HSPG2: variants seen among roughly 807,000 people sequenced by gnomAD.
The protein encoded by HSPG2 is heparan sulfate proteoglycan 2.
Under a neutral mutation model 526.6 loss-of-function variants are expected in HSPG2, and 278 were observed. The observed-to-expected ratio is 0.53, with a 90% CI of 0.48 to 0.58. The LOEUF is 0.58. HSPG2 is among the 20% of genes least tolerant of loss of function. HSPG2 has a pLI of 0.00. For missense variants in HSPG2, 5,354 were observed against 6,099.5 expected (o/e 0.88, Z 4.07); for synonymous variants, 2,465 against 2,555.4 (o/e 0.96, Z 1.07).
intron 21 of HSPG2, 79 bp from the exon 22 acceptor site, chr1:21,876,731 C>CAGA: frequency 6.3e-7 from 1 of 1,587,358 alleles, no homozygotes; most frequent in Non-Finnish European, 8.6e-7. Flanking sequence ...ACCCTCAGTC[C>CAGA]AGATAAGAAC....
At chr1:21,846,011 G>A (rs897036939) in intron 64 of HSPG2, 97 bp downstream of exon 64, 63 of 1,429,710 alleles carry the variant, frequency 4.4e-5, no homozygotes, top group African/African-American at 4.2e-4. Flanking sequence ...AGTTCTCGCC[G>A]AGTGCCAGAA....
rs1466986466 is a variant in HSPG2, at chr1:21,828,850, G to T, written c.12222C>A (p.Arg4074=). The change falls in exon 88 of 97, where the codon CGC becomes CGA. Residue 4074 remains arginine, a synonymous_variant. Coordinates refer to ENST00000374695, the MANE Select transcript of HSPG2 (RefSeq NM_005529.7). This position sits in a 1 kb window ranked among gnomAD's most constrained non-coding sequence, Gnocchi z 6.0. The part of the protein sequence containing the change: ...SPATNMSAHF[R]GCVGEVSVNG... Reference sequence around the variant, plus strand: ...CTGCTCTTACCTCGCCCACACAGCCGCGGAAGTGAGCGCTCATGTTGGTGG... The same window carrying T: ...CTGCTCTTACCTCGCCCACACAGCCTCGGAAGTGAGCGCTCATGTTGGTGG... 1.9e-6 allele frequency: 3 copies of T among 1,550,802 alleles called. No homozygotes were observed. Among genetic ancestry groups the T allele is most frequent in the Admixed American group, 3.9e-5 (2 of 51,024 alleles).
At chr1:21,907,448 C>T (rs1247496414) in intron 1 of HSPG2, among the ~76,000 whole-genome samples, 1 of 152,172 alleles carries the variant, frequency 6.6e-6, no homozygotes, top group African/African-American at 2.4e-5. Flanking sequence ...TCCTCAGCAG[C>T]CTCAGGGCCA....
chr1:21,828,489 G>T lies in HSPG2; in HGVS notation c.12238-63C>A. The T allele has an allele frequency of 1.3e-6, 2 of 1,547,892 alleles. No individual in the cohort carries two copies. Among genetic ancestry groups the T allele is most frequent in the Non-Finnish European group, 8.9e-7 (1 of 1,129,268 alleles). On this transcript the variant is annotated intron_variant, in intron 88 of 96. Transcript: ENST00000374695. This position sits in a 1 kb window ranked among gnomAD's most constrained non-coding sequence, Gnocchi z 6.0. ...GGGAGGCAGAGACCCAGGTGTACCA[G>T]CAGGGAGAAGAATGCAGCAGAGGGG... is the stretch of plus-strand genomic sequence containing the variant.
intron 96 of HSPG2, 47 bp downstream of exon 96, chr1:21,823,568 AG>A (rs778048637): frequency 6.2e-7 from 1 of 1,609,768 alleles, no homozygotes; most frequent in East Asian, 2.2e-5. Context: ...TCTAGCCCTA[AG>A]GGAGTGCCGT....
In HSPG2 at chr1:21,887,755, AC is replaced by A. The variant is rs1642039139; in HGVS notation, c.704-82del. 1 of 1,511,974 alleles carries A rather than the reference AC, an allele frequency of 6.6e-7. No individual in the cohort carries two copies. Among genetic ancestry groups the A allele is most frequent in the Non-Finnish European group, 9.1e-7 (1 of 1,101,792 alleles). 93.7% of individuals were successfully genotyped at this position (1,511,974 alleles called of 1,614,324 possible). On this transcript the variant is annotated intron_variant, in intron 7 of 96. Coordinates refer to ENST00000374695, the MANE Select transcript of HSPG2 (RefSeq NM_005529.7). This position sits in a 1 kb window ranked among gnomAD's most constrained non-coding sequence, Gnocchi z 5.0. ...CTTGTCCCCAACCCTCCCCAGGCCCACCCTGTACTCCCCAACACCACTCCCT... is the reference window on the plus strand; with the variant it reads ...CTTGTCCCCAACCCTCCCCAGGCCCACCTGTACTCCCCAACACCACTCCCT...
chr1:21,885,351 G>A lies in HSPG2; in HGVS notation c.1179C>T (p.Asp393=). Residue 393 remains aspartate (D), a synonymous_variant, in exon 10 of 97, where the codon GAC becomes GAT. Transcript: ENST00000374695. ...PASFHCDEES[D]CPDRSDEFGC... ...CAAACTCGTCGCTCCGGTCAGGACA[G>A]TCGCTCTCCTCGTCACAGTGGAAGC... 6.2e-7 allele frequency: 1 copy of A among 1,614,038 alleles called. No individual in the cohort carries two copies. Among genetic ancestry groups the A allele is most frequent in the Non-Finnish European group, 8.5e-7 (1 of 1,179,988 alleles).
chr1:21,867,134 T>TTTTA (rs55993506), intron 33 of HSPG2, among the ~76,000 whole-genome samples: 1 of 150,444 alleles, frequency 6.6e-6, no homozygotes, highest in Non-Finnish European at 1.5e-5. Context: ...TTTTTTTTTT[T>TTTTA]AAATAGAGAT....
rs1311077732 is a variant in HSPG2, at chr1:21,937,148, C to T, written c.63+7G>A. 5.8e-6 allele frequency: 5 copies of T among 857,434 alleles called. No individual in the cohort carries two copies. The highest frequency in any genetic ancestry group is 8.5e-5 in the East Asian group (1 of 11,822). The allele number at this position is 857,434 out of a possible 1,614,324, so 53.1% of individuals were successfully genotyped here. On this transcript the variant is annotated splice_region_variant and intron_variant, in intron 1 of 96. Transcript: ENST00000374695. The stretch of plus-strand genomic sequence containing the variant: ...CCGCCCCCCGCCCCTCTGCCCCGCA[C>T]ACTCACCGCCAGCAGCCGCCCGTGC...
rs897302341 is a variant in HSPG2 at position 21,904,793 on chromosome 1, G to A, written c.64-8483C>T. On this transcript the variant is annotated intron_variant, in intron 1 of 96. Coordinates refer to ENST00000374695, the MANE Select transcript of HSPG2 (RefSeq NM_005529.7). This position sits in a 1 kb window ranked among gnomAD's most constrained non-coding sequence, Gnocchi z 4.4. The stretch of plus-strand genomic sequence containing the variant: ...CACGGCTGCCGGCAACACCTGCAGC[G>A]TTCACGTGCCAGCCTCCTGCATGCA... Among the ~76,000 whole-genome samples the A allele has an allele frequency of 4.6e-5, 7 of 152,270 alleles. No homozygotes were observed. Among genetic ancestry groups the A allele is most frequent in the East Asian group, 1.9e-4 (1 of 5,158 alleles).
intron 1 of HSPG2, among the ~76,000 whole-genome samples, chr1:21,929,411 C>CTTT (rs1046354414): frequency 2.8e-4 from 41 of 145,080 alleles, no homozygotes; most frequent in African/African-American, 9.3e-4. Context: ...ATTCTTTTTT[C>CTTT]TTTTTTTTTT....
chr1:21,896,110 C>T (rs1188317613), intron 2 of HSPG2, 65 bp downstream of exon 2: 10 of 1,609,330 alleles, frequency 6.2e-6, no homozygotes, highest in African/African-American at 1.3e-5. Context: ...CTCCCCCATG[C>T]CAGTGGGAAG....
intron 1 of HSPG2, among the ~76,000 whole-genome samples, chr1:21,910,553 G>A (rs980320866): frequency 1.3e-5 from 2 of 152,220 alleles, no homozygotes; most frequent in African/African-American, 4.8e-5. Flanking sequence ...TCCATGGTTA[G>A]GATGAGTAGT....
At chr1:21,910,346 A>G (rs1643596663) in intron 1 of HSPG2, among the ~76,000 whole-genome samples, 1 of 152,174 alleles carries the variant, frequency 6.6e-6, no homozygotes, top group Non-Finnish European at 1.5e-5. Context: ...CCAGGCCCTG[A>G]GGCCCTGTAA....
At chr1:21,829,257 T>G in intron 87 of HSPG2, 126 bp downstream of exon 87, 2 of 1,359,970 alleles carry the variant, frequency 1.5e-6, no homozygotes, top group South Asian at 2.4e-5. Flanking sequence ...AGAGACGAAA[T>G]GCACAGGAAG....
At chr1:21,936,120 A>G (rs1644482387) in intron 1 of HSPG2, among the ~76,000 whole-genome samples, 1 of 151,934 alleles carries the variant, frequency 6.6e-6, no homozygotes, top group African/African-American at 2.4e-5. Flanking sequence ...CCTCGGAGAG[A>G]GTGGGGGTGG....
At chr1:21,899,342 G>T (rs1348827507) in intron 1 of HSPG2, among the ~76,000 whole-genome samples, 1 of 152,170 alleles carries the variant, frequency 6.6e-6, no homozygotes, top group Non-Finnish European at 1.5e-5. Flanking sequence ...CTTGACCATA[G>T]AAGGACCTTG....
Position 21,857,352 on chromosome 1 carries a change from T to A in HSPG2, c.5327A>T (p.Glu1776Val), listed in dbSNP as rs746588424. 3.7e-6 allele frequency: 6 copies of A among 1,613,996 alleles called. No individual in the cohort carries two copies. The South Asian group carries it at 6.6e-5, about 18-fold the overall frequency. ...APSKPITVTVEEQRSQSVRPG... is the reference protein window; with the variant it reads ...APSKPITVTVVEQRSQSVRPG... ...GCGCACGCTCTGGCTCCGCTGCTCC[T>A]CCACAGTCACTGTGATGGGCTTGCT... Residue 1776 changes from glutamate to valine, a missense_variant, in exon 43 of 97, where the codon GAG becomes GTG. By Grantham distance (121) the Glu-to-Val change is moderately radical (BLOSUM62 -2). Transcript: ENST00000374695.
intron 18 of HSPG2, 133 bp from the exon 19 acceptor site, chr1:21,878,796 C>A: frequency 8.5e-7 from 1 of 1,171,478 alleles, no homozygotes; most frequent in Non-Finnish European, 1.3e-6. Flanking sequence ...GCCCGGCAGC[C>A]TCACAGCAAC....
Sources: allele counts gnomAD v4.1 joint callset (sites outside exome capture counted in the v4.1 genomes callset), GRCh38; gene constraint gnomAD v4.1.1; non-coding constraint Gnocchi (gnomAD v3.1); transcripts MANE v1.5; gene names NCBI Gene and HGNC (gene_info 2026-07-23, HGNC 2026-07-21).